GTF3C2: variants seen among roughly 807,000 people sequenced by gnomAD.
The protein encoded by GTF3C2 is general transcription factor IIIC subunit 2, also known as general transcription factor 3C polypeptide 2.
GTF3C2 carries 17 observed loss-of-function variants against 117.4 expected under a neutral mutation model. That is an observed-to-expected ratio of 0.14 (90% confidence interval 0.10 to 0.22). The LOEUF (loss-of-function observed/expected upper bound fraction) is 0.22. GTF3C2 is among the 10% of genes least tolerant of loss of function. The pLI is 1.00. For missense variants in GTF3C2, 888 were observed against 1,143.6 expected (o/e 0.78, Z 3.22); for synonymous variants, 437 against 427.0 (o/e 1.02, Z -0.29).
chr2:27,329,222 A>G lies in GTF3C2; in HGVS notation c.1938T>C (p.Pro646=), dbSNP rs1256025317. Residue 646 remains proline (P), a synonymous_variant, in exon 14 of 19, where the codon CCT becomes CCC. Transcript: ENST00000264720. The surrounding 1 kb of genome is among the most constrained non-coding windows in gnomAD (Gnocchi z 4.5). ...GCTTGATAGAGTTTATGGGTTCGTA[A>G]GGACGTCGAAGGTCCCAGAATTTGA... 1 of 1,614,064 alleles carries G rather than the reference A, an allele frequency of 6.2e-7. No homozygotes were observed. Among genetic ancestry groups the G allele is most frequent in the Non-Finnish European group, 8.5e-7 (1 of 1,179,988 alleles).
chr2:27,343,650 T>C (rs1680823202), intron 1 of GTF3C2, 72 bp from the exon 2 acceptor site: 1 of 1,287,782 alleles, frequency 7.8e-7, no homozygotes, highest in East Asian at 2.3e-5. Context: ...TATTTCCCCA[T>C]CTTTTCTCCC....
At chr2:27,343,378 T>A (rs1218799432) in exon 2 of GTF3C2, 2 of 1,614,088 alleles carry the variant, frequency 1.2e-6, no homozygotes, top group Non-Finnish European at 8.5e-7. Context: ...AATCCTCAAA[T>A]CCAGGCAAAG....
At chr2:27,349,505 A>G (rs1165177593) in intron 1 of GTF3C2, among the ~76,000 whole-genome samples, 1 of 152,196 alleles carries the variant, frequency 6.6e-6, no homozygotes, top group Non-Finnish European at 1.5e-5. Flanking sequence ...CTAAAACAAA[A>G]TAACTCAAAA....
intron 1 of GTF3C2, among the ~76,000 whole-genome samples, chr2:27,350,927 C>T (rs1258442753): frequency 7.0e-5 from 10 of 141,900 alleles, no homozygotes; most frequent in Non-Finnish European, 1.1e-4. Context: ...CTAGTCTGGG[C>T]GACACAGCAA....
At chr2:27,336,529 G>A in intron 7 of GTF3C2, 104 bp from the exon 8 acceptor site, 4 of 668,346 alleles carry the variant, frequency 6.0e-6, no homozygotes, top group Non-Finnish European at 5.3e-6. Flanking sequence ...TCAAGCAAGA[G>A]CCTGAATATC....
chr2:27,333,807 AC>A (rs756168286), intron 11 of GTF3C2, 23 bp from the exon 12 acceptor site: 2 of 1,601,442 alleles, frequency 1.2e-6, no homozygotes, highest in Non-Finnish European at 1.7e-6. Context: ...AAGAGATGGG[AC>A]TAGGGTTAGG....
In GTF3C2 at chr2:27,337,085, CAG is replaced by C. The variant is rs1483590471; in HGVS notation, c.1127+157_1127+158del. ...CCTGCCAGTAATGAACACTACAAATCAGAGAGGACTGACCAGCTCTAGTCAGC... is the reference window on the plus strand; with the variant it reads ...CCTGCCAGTAATGAACACTACAAATCAGAGGACTGACCAGCTCTAGTCAGC... On this transcript the variant is annotated intron_variant, in intron 7 of 18. Transcript: ENST00000264720. 3.6e-5 allele frequency: 22 copies of C among 618,230 alleles called. No individual in the cohort carries two copies. In the East Asian group the frequency reaches 5.8e-4, roughly 16 times the overall value. 38.3% of individuals were successfully genotyped at this position (618,230 alleles called of 1,614,324 possible).
At chr2:27,339,193 G>A (rs1680620288) in intron 4 of GTF3C2, among the ~76,000 whole-genome samples, 1 of 151,902 alleles carries the variant, frequency 6.6e-6, no homozygotes, top group African/African-American at 2.4e-5. Context: ...CGGATCACGA[G>A]GTCAGGAGTT....
rs554955885 is a variant in GTF3C2, at chr2:27,339,352, T to C, written c.856-1332A>G. 1.6e-4 allele frequency among the ~76,000 whole-genome samples: 22 copies of C among 141,826 alleles called. No homozygotes were observed. In the South Asian group the frequency reaches 4.8e-3, roughly 31 times the overall value. The allele number at this position is 141,826 out of a possible 152,430, so 93.0% of individuals were successfully genotyped here. ...AACCCGGGAGGGGTGGAGGTTGTGG[T>C]GAGCTGAGATCATGCCATTGCACTC... On this transcript the variant is annotated intron_variant, in intron 4 of 18. Coordinates refer to ENST00000264720, the Ensembl canonical transcript of GTF3C2.
rs146067318 is a variant in GTF3C2 at position 27,342,033 on chromosome 2, A to C, written c.770T>G (p.Val257Gly). 9 of 1,613,860 alleles carry C rather than the reference A, an allele frequency of 5.6e-6. No homozygotes were observed. Among genetic ancestry groups the C allele is most frequent in the Admixed American group, 1.7e-5 (1 of 59,954 alleles). The change falls in exon 4 of 19, where the codon GTG becomes GGG. Residue 257 changes from valine (V) to glycine (G), a missense_variant. This residue lies in a region of GTF3C2 where 393 missense variants were observed against 401.5 expected (regional missense o/e 0.98). Transcript: ENST00000264720. ...CTCACTTGGGCCCTCACTTTCTTCC[A>C]CATCTTCAGCCTCAACCTGGAGAAA...
At chr2:27,330,718 T>C (rs1034095450) in intron 12 of GTF3C2, among the ~76,000 whole-genome samples, 1 of 152,156 alleles carries the variant, frequency 6.6e-6, no homozygotes, top group African/African-American at 2.4e-5. Context: ...CTCAGCACTT[T>C]AGGAGGCCAG....
rs758285292 is a variant in GTF3C2, at chr2:27,329,479, G to T, written c.1777C>A (p.Arg593=). The stretch of plus-strand genomic sequence containing the variant: ...AAGGAGCCATCAGAGAGCCGTATCC[G>T]CTGCAGGGGTGAGTTAGTGGGAAGG... The change falls in exon 13 of 19, where the codon CGG becomes AGG. Residue 593 remains arginine, a synonymous_variant. Transcript: ENST00000264720. The surrounding 1 kb of genome is among the most constrained non-coding windows in gnomAD (Gnocchi z 4.5). 6.2e-6 allele frequency: 10 copies of T among 1,613,854 alleles called. No homozygotes were observed. The highest frequency in any genetic ancestry group is 8.5e-6 in the Non-Finnish European group (10 of 1,179,854).
Position 27,337,240 on chromosome 2 carries a change from T to A in GTF3C2, c.1127+4A>T. On this transcript the variant is annotated splice_donor_region_variant and intron_variant, in intron 7 of 18. Coordinates refer to ENST00000264720, the Ensembl canonical transcript of GTF3C2. ...AGAAAAAAGGGCGGATGTGCAATCT[T>A]CACCTGTTTATTCGGTAGAGGGTGC... The A allele has an allele frequency of 6.4e-7, 1 of 1,561,726 alleles. No homozygotes were observed. Among genetic ancestry groups the A allele is most frequent in the Non-Finnish European group, 8.8e-7 (1 of 1,135,960 alleles).
rs1572569859 is a variant in GTF3C2, at chr2:27,336,047, T to C, written c.1356-19A>G. ...GCCAGGACTGGAGAGAGAGAGCATG[T>C]GGGGATGGTGGGTAGGAAGAAGGGA... On this transcript the variant is annotated intron_variant, in intron 8 of 18. Transcript: ENST00000264720. 2 of 1,528,848 alleles carry C rather than the reference T, an allele frequency of 1.3e-6. No homozygotes were observed. Among genetic ancestry groups the C allele is most frequent in the Non-Finnish European group, 1.8e-6 (2 of 1,102,324 alleles). The allele number at this position is 1,528,848 out of a possible 1,614,324, so 94.7% of individuals were successfully genotyped here.
intron 7 of GTF3C2, 115 bp from the exon 8 acceptor site, chr2:27,336,540 A>C: frequency 1.6e-6 from 1 of 640,896 alleles, no homozygotes; most frequent in South Asian, 1.9e-5. Flanking sequence ...CCTGAATATC[A>C]AAAACAGTTT....
exon 19 of GTF3C2, chr2:27,326,225 A>G: frequency 2.1e-6 from 1 of 472,974 alleles, no homozygotes; most frequent in Non-Finnish European, 4.4e-6. Flanking sequence ...TACCCTAAAG[A>G]GGAAGTTTCA....
At chr2:27,343,626 C>T in intron 1 of GTF3C2, 48 bp from the exon 2 acceptor site, 1 of 1,487,554 alleles carries the variant, frequency 6.7e-7, no homozygotes, top group Non-Finnish European at 9.3e-7. Context: ...ACTATTTGTA[C>T]TAGCTCAGAT....
At position 27,329,373 on chromosome 2, in the gene GTF3C2, C is replaced by G; in HGVS notation, c.1877+6G>C. 1 of 1,614,152 alleles carries G rather than the reference C, an allele frequency of 6.2e-7. No homozygotes were observed. On this transcript the variant is annotated splice_donor_region_variant and intron_variant, in intron 13 of 18. Transcript: ENST00000264720. The surrounding 1 kb of genome is among the most constrained non-coding windows in gnomAD (Gnocchi z 4.5). Reference sequence around the variant, plus strand: ...CTTCCCCCTCCACATACCTCCTATTCCATACCTGTTAGCTTTGCACCATTG... The same window carrying G: ...CTTCCCCCTCCACATACCTCCTATTGCATACCTGTTAGCTTTGCACCATTG...
intron 1 of GTF3C2, among the ~76,000 whole-genome samples, chr2:27,354,155 T>C (rs1376972347): frequency 6.7e-6 from 1 of 149,434 alleles, no homozygotes; most frequent in African/African-American, 2.5e-5. Flanking sequence ...TGGTGGCAAA[T>C]ACCTGTAGCT....
Sources: gnomAD v4.1 joint callset for allele counts (sites outside exome capture counted in the v4.1 genomes callset) on GRCh38, gnomAD v4.1.1 for gene constraint, gnomAD v4.1.1 regional missense constraint, Gnocchi (gnomAD v3.1) non-coding constraint, MANE v1.5 for transcripts, NCBI Gene and HGNC (gene_info 2026-07-23, HGNC 2026-07-21) for gene names.